CPVL: variants seen among roughly 807,000 people sequenced by gnomAD.
CPVL encodes carboxypeptidase vitellogenic like.
A neutral mutation model predicts 63.7 loss-of-function variants in CPVL; 51 were observed. The observed-to-expected ratio is 0.80, with a 90% confidence interval of 0.64 to 1.01. The LOEUF is 1.01. CPVL is among the 50% of genes least tolerant of loss of function. CPVL has a pLI of 0.00. For missense variants in CPVL, 530 were observed against 573.1 expected, an observed-to-expected ratio of 0.92 and a Z score of 0.77; for synonymous variants, 195 against 206.0, an observed-to-expected ratio of 0.95 and a Z score of 0.46.
intron 1 of CPVL, among the ~76,000 whole-genome samples, chr7:29,145,119 A>C (rs1191287761): frequency 2.6e-5 from 4 of 151,784 alleles, no homozygotes; most frequent in Non-Finnish European, 5.9e-5. Flanking sequence ...TCATATGCCA[A>C]CAAAGCCGGT....
chr7:29,150,273 A>C (rs1244027762), upstream of CPVL, among the ~76,000 whole-genome samples: 1 of 152,224 alleles, frequency 6.6e-6, no homozygotes, highest in Admixed American at 6.5e-5. Flanking sequence ...ACATGATAAA[A>C]ATACTATTAG....
At chr7:29,125,425 C>T (rs1789903674) in intron 1 of CPVL, among the ~76,000 whole-genome samples, 2 of 131,640 alleles carry the variant, frequency 1.5e-5, no homozygotes, top group East Asian at 2.3e-4. Context: ...CAGAGTCTCG[C>T]TCTGTCACCC....
chr7:29,080,680 G>C (rs2128589009), intron 7 of CPVL, among the ~76,000 whole-genome samples: 2 of 152,158 alleles, frequency 1.3e-5, no homozygotes, highest in Middle Eastern at 6.8e-3. Context: ...ACCGTGCTTA[G>C]TATTGAATAA....
chr7:29,194,957 A>G (rs1783465086), intron 1 of CPVL: 3 of 1,576,314 alleles, frequency 1.9e-6, no homozygotes, highest in Non-Finnish European at 2.6e-6. Context: ...AGCGTCCAGC[A>G]ACTCCAGCCT....
Position 29,120,949 on chromosome 7 carries a change from T to C in CPVL, c.113A>G (p.Asp38Gly). 6.2e-7 allele frequency: 1 copy of C among 1,613,614 alleles called. No individual in the cohort carries two copies. The highest frequency in any genetic ancestry group is 1.1e-5 in the South Asian group (1 of 91,000). ...YRSVSMPPKG[D>G]SGQPLFLTPY... ...GGTGAGAAATAATGGCTGTCCTGAGTCTCCCTTAGGTGGCATGGAAACACT... is the reference window on the plus strand; with the variant it reads ...GGTGAGAAATAATGGCTGTCCTGAGCCTCCCTTAGGTGGCATGGAAACACT... Residue 38 changes from aspartate (D) to glycine (G), a missense_variant, in exon 2 of 13, where the codon GAC becomes GGC. By Grantham distance (94) the Asp-to-Gly change is moderately conservative. Transcript: ENST00000265394.
chr7:29,179,778 G>A (rs2128740603), intron 5 of CPVL, among the ~76,000 whole-genome samples: 1 of 152,208 alleles, frequency 6.6e-6, no homozygotes, highest in Middle Eastern at 3.4e-3. Flanking sequence ...CATTTGTGGA[G>A]GGGCTATATA....
rs765384991 is a variant in CPVL at position 29,066,245 on chromosome 7, C to A, written c.865-124G>T. The A allele has an allele frequency of 5.9e-5, 36 of 614,168 alleles. 1 individual carries two copies. Among genetic ancestry groups the A allele is most frequent in the Non-Finnish European group, 9.7e-5 (34 of 350,194 alleles). The allele number at this position is 614,168 out of a possible 1,614,324, so 38.0% of individuals were successfully genotyped here. A position where few individuals can be genotyped will look rare whatever the true frequency, so the allele number is the denominator to read the frequency against. On this transcript the variant is annotated intron_variant, in intron 9 of 12. Transcript: ENST00000265394. ...CATTCCTTTATTGTTTCATCCAGCG[C>A]CCACTTATTGTGCATATTCTCTGTG...
intron 1 of CPVL, among the ~76,000 whole-genome samples, chr7:29,189,869 C>G (rs1782670315): frequency 1.3e-5 from 2 of 152,200 alleles, no homozygotes; most frequent in South Asian, 4.1e-4. Context: ...GCAGGAATAC[C>G]TGTGCCTGCG....
Position 29,154,760 on chromosome 7 carries a change from G to A in CPVL, c.-11+26530C>T, listed in dbSNP as rs185136250. On this transcript the variant is annotated intron_variant, in intron 5 of 16. Coordinates refer to the CPVL transcript ENST00000409850. ...TGAGGCAGGAGAATCTCTAGAACCC[G>A]GAAGGCAGAGGTTGCAGTGAACCAA... Among the ~76,000 whole-genome samples the A allele has an allele frequency of 4.4e-3, 672 of 152,272 alleles. 6 individuals carry two copies. The highest frequency in any genetic ancestry group is 0.015 in the African/African-American group (623 of 41,564).
intron 12 of CPVL, among the ~76,000 whole-genome samples, chr7:29,024,748 C>G (rs1231068342): frequency 6.6e-6 from 1 of 152,076 alleles, no homozygotes; most frequent in Admixed American, 6.6e-5. Context: ...ACAAAGCCAT[C>G]CTTCAAAAAA....
At chr7:29,047,508 A>G (rs1789740407) in intron 11 of CPVL, among the ~76,000 whole-genome samples, 2 of 152,164 alleles carry the variant, frequency 1.3e-5, no homozygotes, top group Non-Finnish European at 2.9e-5. Context: ...AAATAAGAAA[A>G]TATGAACAAA....
At chr7:29,041,225 G>A (rs1406728484) in intron 11 of CPVL, among the ~76,000 whole-genome samples, 4 of 148,602 alleles carry the variant, frequency 2.7e-5, no homozygotes, top group Admixed American at 6.8e-5. Context: ...TCTGCCTCCC[G>A]GGTTTACACC....
intron 1 of CPVL, chr7:29,193,248 T>C (rs938315882): frequency 2.0e-5 from 3 of 151,984 alleles, no homozygotes; most frequent in African/African-American, 7.3e-5. Context: ...TGGGATAGTA[T>C]CCTGGAGGGA....
At chr7:29,147,109 G>A (rs1379213848), upstream of CPVL, 19 of 1,081,624 alleles carry the variant, frequency 1.8e-5, no homozygotes, top group Non-Finnish European at 2.5e-5. Flanking sequence ...ACCCATCCAG[G>A]GTCACATTGC....
At chr7:29,037,026 T>C (rs960856240) in intron 11 of CPVL, among the ~76,000 whole-genome samples, 2 of 152,224 alleles carry the variant, frequency 1.3e-5, no homozygotes, top group Admixed American at 1.3e-4. Context: ...CTAAGGTCAC[T>C]AACCTCCATA....
chr7:29,166,961 C>A (rs1293222406), intron 5 of CPVL, among the ~76,000 whole-genome samples: 1 of 151,898 alleles, frequency 6.6e-6, no homozygotes, highest in Non-Finnish European at 1.5e-5. Flanking sequence ...GATTTTTCTC[C>A]ACAATATAAG....
Position 29,162,387 on chromosome 7 carries a change from C to T in CPVL, c.-11+18903G>A, listed in dbSNP as rs184990609. The stretch of plus-strand genomic sequence containing the variant: ...TCTTAAGAACATTATGATGGCCAGG[C>T]GTGGTGGCTCACACCTGTAATCCCA... On this transcript the variant is annotated intron_variant, in intron 5 of 16. Transcript: ENST00000409850. 2.4e-4 allele frequency among the ~76,000 whole-genome samples: 37 copies of T among 152,252 alleles called. No homozygotes were observed. In the East Asian group the frequency reaches 5.4e-3, roughly 22 times the overall value.
chr7:29,146,401 C>G, intron 1 of CPVL, 28 bp downstream of exon 1: 4 of 888,274 alleles, frequency 4.5e-6, no homozygotes, highest in Non-Finnish European at 6.6e-6. Flanking sequence ...TGAGCTGGCA[C>G]GACCCACGCA....
At position 28,995,704 on chromosome 7, in the gene CPVL, C is replaced by T; in HGVS notation, c.*68G>A. The T allele has an allele frequency of 2.2e-6, 2 of 914,994 alleles. No individual in the cohort carries two copies. The highest frequency in any genetic ancestry group is 3.4e-6 in the Non-Finnish European group (2 of 586,974). The allele number at this position is 914,994 out of a possible 1,614,324, so 56.7% of individuals were successfully genotyped here. A position where few individuals can be genotyped will look rare whatever the true frequency, so the allele number is the denominator to read the frequency against. On this transcript the variant is annotated 3_prime_UTR_variant, in exon 13 of 13. Coordinates refer to ENST00000265394, the MANE Select transcript of CPVL (RefSeq NM_031311.5). ...AAAGATAATTTTTTTATTCCTATGA[C>T]ATTTTCTGTTTTTACGATTTTCTTT...
Sources: gnomAD v4.1 joint callset for allele counts (sites outside exome capture counted in the v4.1 genomes callset) on GRCh38, gnomAD v4.1.1 for gene constraint, MANE v1.5 for transcripts, NCBI Gene and HGNC (gene_info 2026-07-23, HGNC 2026-07-21) for gene names.